The following ANKRD13D variants were observed in gnomAD, a reference collection of about 807,000 sequenced individuals.
The protein encoded by ANKRD13D is ankyrin repeat domain-containing protein 13D.
Under a neutral mutation model 68.8 loss-of-function variants are expected in ANKRD13D, and 24 were observed. The observed-to-expected ratio is 0.35, with a 90% confidence interval of 0.25 to 0.49. ANKRD13D has a LOEUF of 0.49. Ranked by LOEUF, ANKRD13D falls within the 20% of genes least tolerant of loss-of-function variation. ANKRD13D has a pLI of 0.99. For missense variants in ANKRD13D, 735 were observed against 832.1 expected, an observed-to-expected ratio of 0.88 and a Z score of 1.44; for synonymous variants, 331 against 336.1, an observed-to-expected ratio of 0.98 and a Z score of 0.16.
intron 6 of ANKRD13D, among the ~76,000 whole-genome samples, chr11:67,293,250 G>A (rs1426434211): frequency 1.3e-5 from 2 of 152,106 alleles, no homozygotes; most frequent in Non-Finnish European, 2.9e-5. Flanking sequence ...GAGCTGTACT[G>A]GTTTACATTC....
rs770033607 is a variant in ANKRD13D, at chr11:67,302,427, G to A, written c.*95G>A. On this transcript the variant is annotated 3_prime_UTR_variant, in exon 15 of 15. Coordinates refer to ENST00000511455, the MANE Select transcript of ANKRD13D (RefSeq NM_207354.3). ...TCTGCTGCTGAGCTTGGGGCCTGGAGCCCCAGGAATGAGCAGGCAGGGGAG... is the reference window on the plus strand; with the variant it reads ...TCTGCTGCTGAGCTTGGGGCCTGGAACCCCAGGAATGAGCAGGCAGGGGAG... 38 of 1,424,198 alleles carry A rather than the reference G, an allele frequency of 2.7e-5. No individual in the cohort carries two copies. The highest frequency in any genetic ancestry group is 5.7e-5 in the Admixed American group (2 of 34,816). The allele number at this position is 1,424,198 out of a possible 1,614,324, so 88.2% of individuals were successfully genotyped here. A position where few individuals can be genotyped will look rare whatever the true frequency, so the allele number is the denominator to read the frequency against.
chr11:67,290,303 AG>A lies in ANKRD13D; in HGVS notation c.227-18del. 1 of 1,548,526 alleles carries A rather than the reference AG, an allele frequency of 6.5e-7. No homozygotes were observed. Among genetic ancestry groups the A allele is most frequent in the Non-Finnish European group, 8.7e-7 (1 of 1,145,624 alleles). ...TGGGGTCATCTGGAGGGCTCCCCTC[AG>A]CAGCCTGGTGCCCGCAGTCCTGCAG... is the stretch of plus-strand genomic sequence containing the variant. On this transcript the variant is annotated intron_variant, in intron 2 of 14. Coordinates refer to ENST00000511455, the MANE Select transcript of ANKRD13D (RefSeq NM_207354.3).
rs1476854250 is a variant in ANKRD13D at position 67,302,314 on chromosome 11, GTCAC to G, written c.1806_1809del (p.Thr603SerfsTer5). 5 of 1,544,424 alleles carry G rather than the reference GTCAC, an allele frequency of 3.2e-6. No homozygotes were observed. Among genetic ancestry groups the G allele is most frequent in the South Asian group, 2.4e-5 (2 of 83,240 alleles). ...AGGACTTACAGCGGATCCTGCAGCT[GTCAC>G]TCACTGAGCACTGAGCCATAGCCCC... On this transcript the variant is annotated frameshift_variant, in exon 15 of 15. Transcript: ENST00000511455. LOFTEE classifies it high-confidence loss of function.
rs1164898703 is a variant in ANKRD13D, at chr11:67,292,050, C to T, written c.601C>T (p.Leu201=). 3 of 1,606,340 alleles carry T rather than the reference C, an allele frequency of 1.9e-6. No individual in the cohort carries two copies. The highest frequency in any genetic ancestry group is 2.6e-6 in the Non-Finnish European group (3 of 1,174,572). ...CCGGCAGGTGGTGCATGTGGAGACA[C>T]TGGGGCTCACTCTGCAGGAGCCCGA... ...HDRQVVHVET[L]GLTLQEPETL... is the part of the protein sequence containing the mutation. The change falls in exon 6 of 15, where the codon CTG becomes TTG. Residue 201 remains leucine, a synonymous_variant. Coordinates refer to ENST00000511455, the MANE Select transcript of ANKRD13D (RefSeq NM_207354.3).
At chr11:67,294,604 A>C (rs537221449) in intron 6 of ANKRD13D, among the ~76,000 whole-genome samples, 43 of 151,114 alleles carry the variant, frequency 2.8e-4, no homozygotes, top group African/African-American at 1.0e-3. Flanking sequence ...GCAGTGGCAC[A>C]ATCTAGGCTC....
intron 6 of ANKRD13D, 68 bp downstream of exon 6, chr11:67,292,248 C>T: frequency 6.8e-7 from 1 of 1,470,172 alleles, no homozygotes; most frequent in Non-Finnish European, 9.2e-7. Context: ...TTAATGAGGG[C>T]AGGGCGATCC....
chr11:67,300,289 T>C lies in ANKRD13D; in HGVS notation c.1073+166T>C, dbSNP rs561732882. On this transcript the variant is annotated intron_variant, in intron 10 of 14. Transcript: ENST00000511455. This position sits in a 1 kb window ranked among gnomAD's most constrained non-coding sequence, Gnocchi z 4.3. Reference sequence around the variant, plus strand: ...TGCCTTATCCATGGTCCTCAGCCCTTAGCAAGGGGCTTGGCACAGAAAACC... The same window carrying C: ...TGCCTTATCCATGGTCCTCAGCCCTCAGCAAGGGGCTTGGCACAGAAAACC... The C allele has an allele frequency of 8.4e-6, 8 of 956,006 alleles. No homozygotes were observed. In the Admixed American group the frequency reaches 1.8e-4, roughly 21 times the overall value. The allele number at this position is 956,006 out of a possible 1,614,324, so 59.2% of individuals were successfully genotyped here. A position where few individuals can be genotyped will look rare whatever the true frequency, so the allele number is the denominator to read the frequency against.
rs772219281 is a variant in ANKRD13D at position 67,301,476 on chromosome 11, C to A, written c.1349-12C>A. 6.1e-5 allele frequency: 99 copies of A among 1,610,808 alleles called. 1 individual carries two copies. In the Middle Eastern group the frequency reaches 6.6e-4, roughly 11 times the overall value. ...CCGCGGGTTGAGCGTGGCCCCTCTG[C>A]CACCTGCCTAGGGAACCCTTTCCCG... On this transcript the variant is annotated splice_polypyrimidine_tract_variant and intron_variant, in intron 12 of 14. Coordinates refer to ENST00000511455, the MANE Select transcript of ANKRD13D (RefSeq NM_207354.3). This position sits in a 1 kb window ranked among gnomAD's most constrained non-coding sequence, Gnocchi z 4.5.
chr11:67,299,495 T>G lies in ANKRD13D; in HGVS notation c.799-35T>G, dbSNP rs372376286. Reference sequence around the variant, plus strand: ...GAGGCTGAGTGTGGGGAGCAGGCTCTGAGCCCCCAGCTCCCCGTGTCCCCT... The same window carrying G: ...GAGGCTGAGTGTGGGGAGCAGGCTCGGAGCCCCCAGCTCCCCGTGTCCCCT... On this transcript the variant is annotated intron_variant, in intron 7 of 14. Coordinates refer to ENST00000511455, the MANE Select transcript of ANKRD13D (RefSeq NM_207354.3). The surrounding 1 kb of genome is among the most constrained non-coding windows in gnomAD (Gnocchi z 6.2). The G allele has an allele frequency of 1.6e-5, 25 of 1,519,528 alleles. No individual in the cohort carries two copies. The African/African-American group carries it at 3.5e-4, about 21-fold the overall frequency. 94.1% of individuals were successfully genotyped at this position (1,519,528 alleles called of 1,614,324 possible).
chr11:67,295,994 A>AT (rs958638835), intron 6 of ANKRD13D, among the ~76,000 whole-genome samples: 11 of 152,100 alleles, frequency 7.2e-5, no homozygotes, highest in Admixed American at 2.0e-4. Flanking sequence ...TGATCATGTG[A>AT]TTTTTTAAAA....
Position 67,300,093 on chromosome 11 carries a change from G to T in ANKRD13D, c.1043G>T (p.Arg348Leu), listed in dbSNP as rs778832639. 2.1e-5 allele frequency: 34 copies of T among 1,613,872 alleles called. No homozygotes were observed. The Admixed American group carries it at 4.2e-4, about 20-fold the overall frequency. The change falls in exon 10 of 15, where the codon CGC becomes CTC. Residue 348 changes from arginine (R) to leucine (L), a missense_variant. Physicochemically the swap from Arg to Leu is moderately radical, Grantham distance 102. Coordinates refer to ENST00000511455, the MANE Select transcript of ANKRD13D (RefSeq NM_207354.3). This position sits in a 1 kb window ranked among gnomAD's most constrained non-coding sequence, Gnocchi z 4.3. ...NFSLESRNIG[R>L]PIEMSSKVQR... is the part of the protein sequence containing the mutation. ...AGCCTGGAGTCACGGAACATTGGCC[G>T]CCCCATCGAGATGTCCAGCAAAGTA... is the stretch of plus-strand genomic sequence containing the variant.
intron 3 of ANKRD13D, 156 bp downstream of exon 3, chr11:67,290,602 C>T (rs1860494589): frequency 2.5e-6 from 3 of 1,210,102 alleles, no homozygotes; most frequent in Admixed American, 2.9e-5. Context: ...CCCAGGGTCA[C>T]GTAGGAAAGA....
chr11:67,299,626 G>A lies in ANKRD13D; in HGVS notation c.880+15G>A, dbSNP rs1438342536. The stretch of plus-strand genomic sequence containing the variant: ...GAGGAGCAAAGGTAAACCCAGGTGC[G>A]CCTGCCTGCTGCCCGGTCACACCGT... On this transcript the variant is annotated intron_variant, in intron 8 of 14. Transcript: ENST00000511455. The surrounding 1 kb of genome is among the most constrained non-coding windows in gnomAD (Gnocchi z 6.2). The A allele has an allele frequency of 2.6e-6, 4 of 1,550,472 alleles. No individual in the cohort carries two copies. Among genetic ancestry groups the A allele is most frequent in the East Asian group, 2.4e-5 (1 of 40,922 alleles).
chr11:67,291,878 C>T, intron 5 of ANKRD13D, 113 bp from the exon 6 acceptor site: 1 of 1,500,546 alleles, frequency 6.7e-7, no homozygotes, highest in Non-Finnish European at 8.9e-7. Flanking sequence ...CATCCAGGGG[C>T]CAAGACTGAC....
At position 67,289,446 on chromosome 11, in the gene ANKRD13D, G is replaced by A. The variant is rs1337184836; in HGVS notation, c.-15G>A. On this transcript the variant is annotated 5_prime_UTR_variant, in exon 1 of 15. Transcript: ENST00000511455. ...GAAGCCGAGGCGGGGCCGGGATGCG[G>A]CGCTGAGGCCCAGCATGGCCGGCCC... The A allele has an allele frequency of 1.1e-5, 16 of 1,458,322 alleles. No homozygotes were observed. In the Admixed American group the frequency reaches 4.0e-4, roughly 36 times the overall value. The allele number at this position is 1,458,322 out of a possible 1,614,324, so 90.3% of individuals were successfully genotyped here. A position where few individuals can be genotyped will look rare whatever the true frequency, so the allele number is the denominator to read the frequency against.
rs778846686 is a variant in ANKRD13D at position 67,301,665 on chromosome 11, AG to A, written c.1512+19del. ...GAGGCGGAGCAGGTGGGACTTGCCC[AG>A]GGGGTGGGCTCTGGCCTCTGCAGCC... On this transcript the variant is annotated intron_variant, in intron 13 of 14. Transcript: ENST00000511455. The surrounding 1 kb of genome is among the most constrained non-coding windows in gnomAD (Gnocchi z 4.5). The A allele has an allele frequency of 1.9e-5, 30 of 1,611,278 alleles. No homozygotes were observed. Among genetic ancestry groups the A allele is most frequent in the Non-Finnish European group, 2.0e-5 (24 of 1,179,538 alleles).
chr11:67,296,607 TTTTTG>T (rs142136280), intron 6 of ANKRD13D, among the ~76,000 whole-genome samples: 2,160 of 151,504 alleles, frequency 0.014, 37 homozygotes, highest in African/African-American at 0.042. Flanking sequence ...TAATTTGAAG[TTTTTG>T]TTTTGTTTTG....
At chr11:67,289,928 C>A (rs954104428) in intron 1 of ANKRD13D, 150 bp from the exon 2 acceptor site, 1 of 1,445,812 alleles carries the variant, frequency 6.9e-7, no homozygotes, top group East Asian at 2.5e-5. Flanking sequence ...CTCCTCTCCC[C>A]TGCCAGGACA....
At position 67,301,117 on chromosome 11, in the gene ANKRD13D, C is replaced by T. The variant is rs776766945; in HGVS notation, c.1201C>T (p.Arg401Cys). 1 of 1,613,980 alleles carries T rather than the reference C, an allele frequency of 6.2e-7. No homozygotes were observed. Among genetic ancestry groups the T allele is most frequent in the Non-Finnish European group, 8.5e-7 (1 of 1,179,936 alleles). The change falls in exon 11 of 15, where the codon CGC (arginine) becomes TGC (cysteine). Residue 401 changes from arginine (R) to cysteine (C), a missense_variant. Arg to Cys is a radical substitution (Grantham distance 180). Transcript: ENST00000511455. The surrounding 1 kb of genome is among the most constrained non-coding windows in gnomAD (Gnocchi z 4.5). ...FAKLRDFITL[R>C]LPPGFPVKIE... ...CAAGCTGCGCGACTTCATCACTCTG[C>T]GCCTTCCACCTGGCTTCCCCGTCAA... is the stretch of plus-strand genomic sequence containing the variant.
Sources: gnomAD v4.1 joint callset for allele counts (sites outside exome capture counted in the v4.1 genomes callset) on GRCh38, gnomAD v4.1.1 for gene constraint, Gnocchi (gnomAD v3.1) non-coding constraint, MANE v1.5 for transcripts, NCBI Gene and HGNC (gene_info 2026-07-23, HGNC 2026-07-21) for gene names.